ZFHX3: variants seen among roughly 807,000 people sequenced by gnomAD.
ZFHX3 encodes zinc finger homeobox 3.
ZFHX3 carries 42 observed loss-of-function variants against 279.1 expected under a neutral mutation model. That is an observed-to-expected ratio of 0.15 (90% CI 0.12 to 0.19). The LOEUF (loss-of-function observed/expected upper bound fraction) is 0.19, where lower values mean the gene tolerates loss of function less well. Among genes scored for constraint, ZFHX3 ranks in the 10% least tolerant of loss-of-function variants. The probability of loss-of-function intolerance (pLI) is 1.00; values close to 1 mark genes in which losing one functional copy is unlikely to be tolerated. For synonymous variants in ZFHX3, 2,293 were observed against 1,957.8 expected, an observed-to-expected ratio of 1.17 and a Z score of -4.52; for missense variants, 4,981 against 4,754.0, an observed-to-expected ratio of 1.05 and a Z score of -1.40.
At chr16:73,450,293 C>G (rs1457534450) in intron 3 of ZFHX3, among the ~76,000 whole-genome samples, 2 of 152,138 alleles carry the variant, frequency 1.3e-5, no homozygotes, top group Non-Finnish European at 2.9e-5. Context: ...TTCTCTGTAT[C>G]TGTCTCACTG....
intron 8 of ZFHX3, among the ~76,000 whole-genome samples, chr16:73,088,723 G>T (rs1441939423): frequency 1.3e-5 from 2 of 152,188 alleles, no homozygotes; most frequent in Admixed American, 1.3e-4. Context: ...ACATCCTGAA[G>T]TTCAAGGCAG....
At chr16:73,090,901 A>G (rs1417197553) in intron 8 of ZFHX3, among the ~76,000 whole-genome samples, 1 of 112,660 alleles carries the variant, frequency 8.9e-6, no homozygotes, top group Non-Finnish European at 1.7e-5. Flanking sequence ...ACAGAGTAAG[A>G]TCCCATATTG....
intron 2 of ZFHX3, among the ~76,000 whole-genome samples, chr16:73,531,456 T>G (rs2019800753): frequency 1.3e-5 from 2 of 152,148 alleles, no homozygotes; most frequent in Admixed American, 1.3e-4. Flanking sequence ...GGCTCACTCC[T>G]GTAATTACAG....
At chr16:73,253,938 C>G (rs1190550060) in intron 5 of ZFHX3, among the ~76,000 whole-genome samples, 1 of 152,160 alleles carries the variant, frequency 6.6e-6, no homozygotes, top group African/African-American at 2.4e-5. Context: ...CCTGCTAATA[C>G]TGGCCTTGGA....
At chr16:73,186,365 C>T (rs565209465) in intron 5 of ZFHX3, among the ~76,000 whole-genome samples, 1 of 152,090 alleles carries the variant, frequency 6.6e-6, no homozygotes, top group Non-Finnish European at 1.5e-5. Context: ...GCTGTGTGAT[C>T]GTGAATAGAA....
chr16:72,919,475 A>G (rs767347818), intron 3 of ZFHX3, among the ~76,000 whole-genome samples: 9 of 152,050 alleles, frequency 5.9e-5, no homozygotes, highest in Admixed American at 1.3e-4. Flanking sequence ...TTGTACTTCA[A>G]AGGGTTCTCT....
chr16:72,888,943 GGTAA>G (rs2038699006), intron 4 of ZFHX3, among the ~76,000 whole-genome samples: 2 of 152,154 alleles, frequency 1.3e-5, no homozygotes, highest in South Asian at 4.1e-4. Context: ...TTTCTAAAGA[GGTAA>G]GTGACTGTCT....
At chr16:73,092,779 T>C (rs150058123) in intron 8 of ZFHX3, 256 of 374,680 alleles carry the variant, frequency 6.8e-4, no homozygotes, top group Admixed American at 4.0e-3. Context: ...CACCCTGCTA[T>C]TTATGGGTTG....
intron 7 of ZFHX3, among the ~76,000 whole-genome samples, chr16:73,109,052 GA>G (rs1205083234): frequency 6.6e-6 from 1 of 152,216 alleles, no homozygotes; most frequent in East Asian, 1.9e-4. Flanking sequence ...AGGCTCTTCA[GA>G]GGGGACCCTC....
chr16:73,692,617 C>T (rs2053160327), intron 1 of ZFHX3, among the ~76,000 whole-genome samples: 1 of 152,322 alleles, frequency 6.6e-6, no homozygotes, highest in South Asian at 2.1e-4. Context: ...TGCCATTTCT[C>T]AACTGAATTA....
intron 1 of ZFHX3, among the ~76,000 whole-genome samples, chr16:73,851,329 TA>T (rs1226513380): frequency 1.3e-5 from 2 of 152,152 alleles, no homozygotes; most frequent in Non-Finnish European, 2.9e-5. Context: ...AATTCCATCA[TA>T]AAGTTATAGA....
chr16:73,595,269 C>T (rs187676718), intron 2 of ZFHX3, among the ~76,000 whole-genome samples: 1 of 152,280 alleles, frequency 6.6e-6, no homozygotes, highest in East Asian at 1.9e-4. Context: ...CTCTCTTCTT[C>T]CGGGTCAGCA....
At chr16:73,503,888 C>G (rs1237633367) in intron 2 of ZFHX3, among the ~76,000 whole-genome samples, 1 of 152,128 alleles carries the variant, frequency 6.6e-6, no homozygotes, top group Non-Finnish European at 1.5e-5. Flanking sequence ...GGTTTGTGCT[C>G]CTCTGAGGAA....
At position 73,537,568 on chromosome 16, in the gene ZFHX3, G is replaced by A. The variant is rs149509151; in HGVS notation, c.-1546-81310C>T. Among the ~76,000 whole-genome samples, 707 of 152,034 alleles carry A rather than the reference G, an allele frequency of 4.7e-3. 9 individuals carry two copies. Among genetic ancestry groups the A allele is most frequent in the African/African-American group, 0.016 (656 of 41,464 alleles). On this transcript the variant is annotated intron_variant, in intron 2 of 17. Transcript: ENST00000641206. The stretch of plus-strand genomic sequence containing the variant: ...TCTGACCTCGTGATTCACCCGCCTC[G>A]GCCTCCCAAAGTGCTGGGATTACAG...
intron 3 of ZFHX3, among the ~76,000 whole-genome samples, chr16:73,417,341 T>C (rs2143480050): frequency 6.6e-6 from 1 of 151,902 alleles, no homozygotes; most frequent in Non-Finnish European, 1.5e-5. Context: ...AAATACAATC[T>C]ATACTTTGGT....
At chr16:73,641,393 G>C (rs1031967959) in intron 2 of ZFHX3, among the ~76,000 whole-genome samples, 3 of 152,148 alleles carry the variant, frequency 2.0e-5, no homozygotes, top group Non-Finnish European at 4.4e-5. Flanking sequence ...CTGGAGTGGA[G>C]ACATGCGGCC....
intron 4 of ZFHX3, among the ~76,000 whole-genome samples, chr16:72,836,143 G>A (rs994859320): frequency 6.6e-6 from 1 of 152,204 alleles, no homozygotes; most frequent in Admixed American, 6.5e-5. Flanking sequence ...AAGCCAGGAA[G>A]GAAGAGGCTA....
At chr16:73,198,796 G>A (rs776416272) in intron 5 of ZFHX3, among the ~76,000 whole-genome samples, 1 of 152,202 alleles carries the variant, frequency 6.6e-6, no homozygotes. Flanking sequence ...CAGGAGGGAA[G>A]CAAGTTCTCC....
chr16:73,311,808 G>A (rs4888460), intron 4 of ZFHX3, among the ~76,000 whole-genome samples: 32,049 of 151,910 alleles, frequency 0.21, 3,515 homozygotes, highest in East Asian at 0.28. Context: ...TAATTGGACC[G>A]TGCAACATTT....
Sources: gnomAD v4.1 joint callset for allele counts (sites outside exome capture counted in the v4.1 genomes callset) on GRCh38, gnomAD v4.1.1 for gene constraint, MANE v1.5 for transcripts, NCBI Gene and HGNC (gene_info 2026-07-23, HGNC 2026-07-21) for gene names.